The following ZBTB20 variants were observed in gnomAD, a reference collection of about 807,000 sequenced individuals.
ZBTB20 encodes zinc finger and BTB domain containing 20, also known as zinc finger and BTB domain-containing protein 20.
Under a neutral mutation model 56.9 loss-of-function variants are expected in ZBTB20, and 9 were observed. The ratio of observed to expected loss-of-function variants is 0.16; its 90% CI spans 0.10 to 0.28. The LOEUF is 0.28. Among genes scored for constraint, ZBTB20 ranks in the 10% least tolerant of loss-of-function variants. ZBTB20 has a pLI of 1.00. For missense variants in ZBTB20, 655 were observed against 1,003.0 expected (o/e 0.65, Z 4.69); for synonymous variants, 417 against 420.7 (o/e 0.99, Z 0.11).
chr3:114,629,790 T>TGAATAGAAAGA (rs1253211603), intron 6 of ZBTB20, among the ~76,000 whole-genome samples: 5 of 152,330 alleles, frequency 3.3e-5, no homozygotes, highest in African/African-American at 9.6e-5. Flanking sequence ...AAAGTTAGTT[T>TGAATAGAAAGA]AAATTATTAA....
chr3:114,731,663 CATTAGTTACTAATCCAGCTGTACCTAG>C (rs1560181365), intron 5 of ZBTB20, among the ~76,000 whole-genome samples: 5 of 152,132 alleles, frequency 3.3e-5, no homozygotes, highest in Non-Finnish European at 5.9e-5. Flanking sequence ...GCTGTACCTA[CATTAGTTACTAATCCAGCTGTACCTAG>C]ATTAGTAACT....
At chr3:114,531,207 C>T (rs2047805538) in intron 6 of ZBTB20, among the ~76,000 whole-genome samples, 2 of 152,192 alleles carry the variant, frequency 1.3e-5, no homozygotes, top group Admixed American at 1.3e-4. Context: ...CCTTCTTCCT[C>T]CTGTGTTCCA....
At chr3:115,035,658 A>G (rs1356480415) in intron 2 of ZBTB20, among the ~76,000 whole-genome samples, 1 of 152,172 alleles carries the variant, frequency 6.6e-6, no homozygotes, top group African/African-American at 2.4e-5. Context: ...AGTTTCTCAA[A>G]AAGTTAAAAA....
At chr3:115,090,090 A>T (rs1016668964) in intron 1 of ZBTB20, among the ~76,000 whole-genome samples, 1 of 151,610 alleles carries the variant, frequency 6.6e-6, no homozygotes, top group Non-Finnish European at 1.5e-5. Flanking sequence ...CAGTCTAGAG[A>T]CTCCAATTTT....
chr3:114,805,340 A>G (rs1363308125), intron 4 of ZBTB20, among the ~76,000 whole-genome samples: 6 of 151,908 alleles, frequency 3.9e-5, no homozygotes. Context: ...CTGATCTGTG[A>G]TAACTTCTTG....
intron 3 of ZBTB20, among the ~76,000 whole-genome samples, chr3:114,961,479 T>C (rs1204263719): frequency 6.6e-6 from 1 of 152,142 alleles, no homozygotes; most frequent in East Asian, 1.9e-4. Flanking sequence ...AGATGCCTTA[T>C]GAGGTCATTG....
chr3:114,950,204 G>C (rs2077019101), intron 3 of ZBTB20, among the ~76,000 whole-genome samples: 1 of 152,022 alleles, frequency 6.6e-6, no homozygotes, highest in South Asian at 2.1e-4. Context: ...ACTGCAAATA[G>C]TACCCAATCC....
chr3:114,724,829 A>T (rs2065157955), intron 5 of ZBTB20, among the ~76,000 whole-genome samples: 1 of 152,220 alleles, frequency 6.6e-6, no homozygotes, highest in African/African-American at 2.4e-5. Context: ...TTTGCCAAAG[A>T]AAAAGAGAGT....
At chr3:114,584,223 C>CT (rs1030899589) in intron 6 of ZBTB20, among the ~76,000 whole-genome samples, 3 of 152,010 alleles carry the variant, frequency 2.0e-5, no homozygotes, top group East Asian at 1.9e-4. Flanking sequence ...GGAAGAAAGA[C>CT]TTTTTTTTGT....
chr3:115,036,607 G>A (rs971944127), intron 2 of ZBTB20, among the ~76,000 whole-genome samples: 7 of 152,126 alleles, frequency 4.6e-5, no homozygotes, highest in Non-Finnish European at 1.0e-4. Context: ...TAGAGACGGC[G>A]TTTCACCATG....
At chr3:114,976,105 T>G (rs908984850) in intron 2 of ZBTB20, among the ~76,000 whole-genome samples, 1 of 152,204 alleles carries the variant, frequency 6.6e-6, no homozygotes, top group Non-Finnish European at 1.5e-5. Context: ...TCTTTATTCT[T>G]CCATTCAATA....
chr3:115,139,094 TAAA>T (rs2084737256), intron 1 of ZBTB20, among the ~76,000 whole-genome samples: 2 of 152,074 alleles, frequency 1.3e-5, no homozygotes, highest in African/African-American at 4.8e-5. Flanking sequence ...TTTGGTAAGC[TAAA>T]ATAGCTTACC....
At chr3:114,345,708 G>A (rs2080133570) in intron 11 of ZBTB20, among the ~76,000 whole-genome samples, 1 of 152,098 alleles carries the variant, frequency 6.6e-6, no homozygotes, top group South Asian at 2.1e-4. Context: ...TCTGGGGTGG[G>A]GGTGAAGGGT....
At chr3:114,666,759 A>C (rs926646319) in intron 6 of ZBTB20, among the ~76,000 whole-genome samples, 3 of 151,978 alleles carry the variant, frequency 2.0e-5, no homozygotes, top group Admixed American at 6.6e-5. Flanking sequence ...AATGTGTGAT[A>C]AACTGTTCAC....
Position 114,572,055 on chromosome 3 carries a change from C to T in ZBTB20, c.-294-71664G>A, listed in dbSNP as rs1178556351. 3.3e-5 allele frequency among the ~76,000 whole-genome samples: 5 copies of T among 152,300 alleles called. No individual in the cohort carries two copies. The East Asian group carries it at 5.8e-4, about 18-fold the overall frequency. On this transcript the variant is annotated intron_variant, in intron 6 of 11. Coordinates refer to ENST00000675478, the MANE Select transcript of ZBTB20 (RefSeq NM_001348800.3). ...GTTATTTGACATGCAGTATCTCATCCAATCCCCACAGCAAACTACGAGACA... is the reference window on the plus strand; with the variant it reads ...GTTATTTGACATGCAGTATCTCATCTAATCCCCACAGCAAACTACGAGACA...
At chr3:114,837,850 T>C (rs752410942) in intron 4 of ZBTB20, among the ~76,000 whole-genome samples, 5 of 152,108 alleles carry the variant, frequency 3.3e-5, no homozygotes, top group Admixed American at 6.5e-5. Flanking sequence ...CCTATTATAA[T>C]TGCTTACCAG....
intron 6 of ZBTB20, among the ~76,000 whole-genome samples, chr3:114,505,645 C>CTAAA (rs2109738079): frequency 6.6e-6 from 1 of 152,226 alleles, no homozygotes; most frequent in African/African-American, 2.4e-5. Context: ...AATGTTTTAA[C>CTAAA]ATCCCTTTAA....
At chr3:114,528,059 CT>C (rs1245862083) in intron 6 of ZBTB20, among the ~76,000 whole-genome samples, 2 of 150,586 alleles carry the variant, frequency 1.3e-5, no homozygotes, top group African/African-American at 4.9e-5. Flanking sequence ...ACAATGCCTA[CT>C]TTTCTTTATC....
At chr3:114,372,869 AT>A (rs1269392202) in intron 10 of ZBTB20, among the ~76,000 whole-genome samples, 5 of 152,112 alleles carry the variant, frequency 3.3e-5, no homozygotes, top group Admixed American at 2.6e-4. Context: ...TAAAAAGAAA[AT>A]TTATTTTGTG....
Sources: allele counts gnomAD v4.1 joint callset (sites outside exome capture counted in the v4.1 genomes callset), GRCh38; gene constraint gnomAD v4.1.1; transcripts MANE v1.5; gene names NCBI Gene and HGNC (gene_info 2026-07-23, HGNC 2026-07-21).